The following NLRP5 variants were observed in gnomAD, a reference collection of about 807,000 sequenced individuals.
NLRP5 encodes NLR family pyrin domain containing 5.
Under a neutral mutation model 113.1 loss-of-function variants are expected in NLRP5, and 93 were observed. That is an observed-to-expected ratio of 0.82 (90% confidence interval 0.70 to 0.98). The LOEUF (loss-of-function observed/expected upper bound fraction) is 0.98, where lower values mean the gene tolerates loss of function less well. Among genes scored for constraint, NLRP5 ranks in the 50% least tolerant of loss-of-function variants. The pLI, the probability that NLRP5 is intolerant of heterozygous loss-of-function variation, is 0.00. For synonymous variants in NLRP5, 751 were observed against 600.7 expected (o/e 1.25, Z -3.66); for missense variants, 1,808 against 1,514.3 (o/e 1.19, Z -3.22).
chr19:56,032,511 C>T, intron 7 of NLRP5, 100 bp from the exon 8 acceptor site: 1 of 1,096,058 alleles, frequency 9.1e-7, no homozygotes. Flanking sequence ...CCACCGTGGT[C>T]TCACCTCGAG....
chr19:56,060,119 G>A (rs980155694), intron 14 of NLRP5, among the ~76,000 whole-genome samples: 2 of 152,174 alleles, frequency 1.3e-5, no homozygotes, highest in African/African-American at 4.8e-5. Flanking sequence ...TTGAAAGAAT[G>A]TGTTTATATC....
upstream of NLRP5, among the ~76,000 whole-genome samples, chr19:55,998,671 T>TGTGC (rs1981430103): frequency 1.4e-5 from 1 of 69,068 alleles, no homozygotes; most frequent in Non-Finnish European, 2.9e-5. Context: ...TGTGTGTGTG[T>TGTGC]GTATATATAT....
Position 56,000,510 on chromosome 19 carries a change from G to A in NLRP5, c.62+723G>A, listed in dbSNP as rs1229780626. ...CTCCCTAGTAGCTGGGACTACAGGC[G>A]CCCGCCACCACGCCCGGCTAATTTT... is the stretch of plus-strand genomic sequence containing the variant. On this transcript the variant is annotated intron_variant, in intron 1 of 14. Coordinates refer to ENST00000390649, the MANE Select transcript of NLRP5 (RefSeq NM_153447.4). Among the ~76,000 whole-genome samples, 5 of 151,746 alleles carry A rather than the reference G, an allele frequency of 3.3e-5. No individual in the cohort carries two copies. The East Asian group carries it at 5.9e-4, about 18-fold the overall frequency.
chr19:56,011,107 T>G (rs568246244), intron 3 of NLRP5, among the ~76,000 whole-genome samples: 89 of 152,120 alleles, frequency 5.9e-4, no homozygotes, highest in Middle Eastern at 6.8e-3. Context: ...GAGCCATGAT[T>G]GTGTCACTGC....
chr19:56,049,808 T>A (rs190784934), intron 11 of NLRP5, among the ~76,000 whole-genome samples: 81 of 152,308 alleles, frequency 5.3e-4, no homozygotes, highest in African/African-American at 1.9e-3. Flanking sequence ...CCTCTCTGAT[T>A]AGCTTAATAA....
chr19:56,010,789 GTTT>G (rs74179658), intron 3 of NLRP5, among the ~76,000 whole-genome samples: 1 of 123,718 alleles, frequency 8.1e-6, no homozygotes, highest in African/African-American at 3.0e-5. Context: ...AATAAATGCA[GTTT>G]TTTTTTTATC....
rs774195905 is a variant in NLRP5, at chr19:56,032,671, C to A, written c.2337C>A (p.Thr779=). The A allele has an allele frequency of 6.2e-7, 1 of 1,613,600 alleles. No homozygotes were observed. The highest frequency in any genetic ancestry group is 1.3e-5 in the African/African-American group (1 of 74,894). Residue 779 remains threonine, a synonymous_variant, in exon 8 of 15, where the codon ACC becomes ACA. Transcript: ENST00000390649. ...AAGATTTCTGCTCCATGCTTGGCAC[C>A]CACCCACACCTGCGGCAGCTGGACC...
chr19:56,061,405 A>G lies in NLRP5; in HGVS notation c.3480A>G (p.Lys1160=). 1 of 1,613,602 alleles carries G rather than the reference A, an allele frequency of 6.2e-7. No individual in the cohort carries two copies. The highest frequency in any genetic ancestry group is 1.1e-5 in the South Asian group (1 of 91,000). ...CTCTCTGCCTCCCCAGGCTGTGGAA[A>G]TGGCAGTACCCTGTGCAAATAAGGA... The change falls in exon 15 of 15, where the codon AAA becomes AAG. Residue 1160 remains lysine, a synonymous_variant. Transcript: ENST00000390649.
chr19:56,031,189 C>T (rs1051988857), intron 7 of NLRP5, among the ~76,000 whole-genome samples: 2 of 152,122 alleles, frequency 1.3e-5, no homozygotes, highest in African/African-American at 2.4e-5. Flanking sequence ...TAACTACAGG[C>T]ACGACATTGA....
Position 56,003,953 on chromosome 19 carries a change from A to C in NLRP5, c.300A>C (p.Glu100Asp), listed in dbSNP as rs199871361. The C allele has an allele frequency of 1.8e-4, 286 of 1,614,044 alleles. No individual in the cohort carries two copies. In the Middle Eastern group the frequency reaches 2.1e-3, roughly 12 times the overall value. Residue 100 changes from glutamate (E) to aspartate (D), a missense_variant, in exon 2 of 15, where the codon GAA (glutamate) becomes GAC (aspartate). Glu to Asp is a conservative substitution (Grantham distance 45, BLOSUM62 2). Transcript: ENST00000390649. ...CCACATGCTCTATTCCACAGTTTGA[A>C]ATCGAGAATGCCAACGTGGAATGTC...
intron 2 of NLRP5, among the ~76,000 whole-genome samples, chr19:56,004,438 C>A (rs1019351235): frequency 2.6e-5 from 4 of 152,128 alleles, no homozygotes; most frequent in African/African-American, 9.7e-5. Context: ...ACCCTTGGAT[C>A]CCACATCTTG....
chr19:56,013,547 T>C, intron 3 of NLRP5, among the ~76,000 whole-genome samples: 1 of 151,300 alleles, frequency 6.6e-6, no homozygotes, highest in Non-Finnish European at 1.5e-5. Flanking sequence ...CAGTATTCCT[T>C]TTATATATAT....
chr19:56,021,638 G>A (rs144538861), intron 6 of NLRP5, among the ~76,000 whole-genome samples: 241 of 152,288 alleles, frequency 1.6e-3, no homozygotes, highest in African/African-American at 5.5e-3. Flanking sequence ...CCGTGTTCCA[G>A]TGTCTATCAG....
At chr19:56,050,707 C>A in intron 12 of NLRP5, 119 bp downstream of exon 12, 1 of 950,954 alleles carries the variant, frequency 1.1e-6, no homozygotes, top group Non-Finnish European at 1.5e-6. Context: ...TGAGCTGACA[C>A]TCATTTTTCC....
At chr19:56,013,596 G>GTTTTTTTTTTTTGT (rs1982288318) in intron 3 of NLRP5, among the ~76,000 whole-genome samples, 1 of 59,284 alleles carries the variant, frequency 1.7e-5, no homozygotes, top group Admixed American at 2.1e-4. Context: ...GGACATTTGG[G>GTTTTTTTTTTTTGT]TTTTTTTTTT....
At chr19:56,052,363 G>C (rs1299675339) in intron 12 of NLRP5, among the ~76,000 whole-genome samples, 1 of 152,036 alleles carries the variant, frequency 6.6e-6, no homozygotes, top group Admixed American at 6.6e-5. Context: ...CCACCTCCTG[G>C]GTTCAAGCAA....
the NLRP5 span, chr19:55,988,778 T>G: frequency 1.8e-4 from 27 of 152,252 alleles, 1 homozygote; most frequent in African/African-American, 5.8e-4. Flanking sequence ...AGTGTTTAGA[T>G]ATGACAGTCC....
In NLRP5 at chr19:56,012,494, C is replaced by T. The variant is rs561123255; in HGVS notation, c.509-3248C>T. Among the ~76,000 whole-genome samples the T allele has an allele frequency of 7.1e-5, 10 of 140,226 alleles. No individual in the cohort carries two copies. In the East Asian group the frequency reaches 1.0e-3, roughly 14 times the overall value. 92.0% of individuals were successfully genotyped at this position (140,226 alleles called of 152,430 possible). ...GATAACTCGATGCAGGTTTACATAT[C>T]GTAAAATCTTGAGAATACAATTCGA... On this transcript the variant is annotated intron_variant, in intron 3 of 14. Transcript: ENST00000390649.
intron 13 of NLRP5, among the ~76,000 whole-genome samples, chr19:56,054,493 G>C (rs1353021486): frequency 6.6e-6 from 1 of 151,326 alleles, no homozygotes; most frequent in Non-Finnish European, 1.5e-5. Context: ...AGGAGGTGGA[G>C]GTTGCAGTGA....
Sources: allele counts gnomAD v4.1 joint callset (sites outside exome capture counted in the v4.1 genomes callset), GRCh38; gene constraint gnomAD v4.1.1; transcripts MANE v1.5; gene names NCBI Gene and HGNC (gene_info 2026-07-23, HGNC 2026-07-21).